Variants in THAP8 observed in about 807,000 individuals in gnomAD.
THAP8 encodes the protein THAP domain containing 8, also known as THAP domain-containing protein 8.
THAP8 carries 24 observed loss-of-function variants against 25.0 expected under a neutral mutation model. The observed-to-expected ratio is 0.96, with a 90% CI of 0.69 to 1.35. THAP8 has a LOEUF of 1.35. THAP8 is among the 40% of genes most tolerant of loss of function. The probability of loss-of-function intolerance (pLI) is 0.00; values close to 1 mark genes in which losing one functional copy is unlikely to be tolerated. For missense variants in THAP8, 399 were observed against 368.8 expected, an observed-to-expected ratio of 1.08 and a Z score of -0.67; for synonymous variants, 169 against 157.6, an observed-to-expected ratio of 1.07 and a Z score of -0.54.
chr19:36,051,993 A>G (rs1970068368), intron 1 of THAP8, among the ~76,000 whole-genome samples: 3 of 151,852 alleles, frequency 2.0e-5, no homozygotes, highest in African/African-American at 4.8e-5. Context: ...TGAACTGTGC[A>G]TGTGAGAGAT....
chr19:36,054,176 C>T lies in THAP8; in HGVS notation c.42G>A (p.Ala14=). ...GGCGGTTGTCTGCACCCAGGCGGCC[C>T]GCAGTGTTGGAGCAGTTCGGCGCCC... is the stretch of plus-strand genomic sequence containing the variant. The part of the protein sequence containing the change: ...YCRAPNCSNT[A]GRLGADNRPV... The change falls in exon 1 of 4, where the codon GCG becomes GCA. Residue 14 remains alanine (A), a synonymous_variant. Coordinates refer to ENST00000292894, the MANE Select transcript of THAP8 (RefSeq NM_152658.3). 6.2e-7 allele frequency: 1 copy of T among 1,613,832 alleles called. No homozygotes were observed. The highest frequency in any genetic ancestry group is 8.5e-7 in the Non-Finnish European group (1 of 1,179,956).
Position 36,039,361 on chromosome 19 carries a change from T to C in THAP8, c.634A>G (p.Ser212Gly), listed in dbSNP as rs1280986492. The change falls in exon 3 of 4, where the codon AGC (serine) becomes GGC (glycine). Residue 212 changes from serine (S) to glycine (G), a missense_variant. Transcript: ENST00000292894. ...ERLAQQLHGESLLARARRGLQ... is the reference protein window; with the variant it reads ...ERLAQQLHGEGLLARARRGLQ... ...CCCCGGCGTGCCCGTGCCAGCAGGC[T>C]CTCCCCGTGTAGCTGCTGTGCCAGC... is the stretch of plus-strand genomic sequence containing the variant. The C allele has an allele frequency of 7.8e-6, 12 of 1,533,334 alleles. No homozygotes were observed. The highest frequency in any genetic ancestry group is 9.6e-6 in the Non-Finnish European group (11 of 1,144,916). 95.0% of individuals were successfully genotyped at this position (1,533,334 alleles called of 1,614,324 possible).
At chr19:36,052,816 A>G (rs1180847584) in intron 1 of THAP8, among the ~76,000 whole-genome samples, 1 of 152,240 alleles carries the variant, frequency 6.6e-6, no homozygotes, top group Admixed American at 6.5e-5. Flanking sequence ...TTCAAACAGC[A>G]AAGTTTGTGA....
upstream of THAP8, chr19:36,054,483 TCATCAC>T: frequency 1.7e-6 from 1 of 582,798 alleles, no homozygotes; most frequent in Non-Finnish European, 3.1e-6. Context: ...ACCCCGACTT[TCATCAC>T]GTGTTGGGGG....
At position 36,039,423 on chromosome 19, in the gene THAP8, T is replaced by C; in HGVS notation, c.572A>G (p.Gln191Arg). The C allele has an allele frequency of 6.3e-7, 1 of 1,575,446 alleles. No individual in the cohort carries two copies. Among genetic ancestry groups the C allele is most frequent in the African/African-American group, 1.3e-5 (1 of 74,106 alleles). ...CTGCAGCTGCGCCTGGTGCCGCTCCTGGCACCGTTGCAGCCTCCGCACCCG... is the reference window on the plus strand; with the variant it reads ...CTGCAGCTGCGCCTGGTGCCGCTCCCGGCACCGTTGCAGCCTCCGCACCCG... ...QRRVRRLQRC[Q>R]ERHQAQLQAL... Residue 191 changes from glutamine to arginine, a missense_variant, in exon 3 of 4, where the codon CAG becomes CGG. Coordinates refer to ENST00000292894, the MANE Select transcript of THAP8 (RefSeq NM_152658.3).
intron 1 of THAP8, among the ~76,000 whole-genome samples, chr19:36,042,801 C>T (rs1293017691): frequency 2.0e-5 from 3 of 152,196 alleles, no homozygotes; most frequent in Non-Finnish European, 4.4e-5. Flanking sequence ...CAGTCTCACT[C>T]TGTCACCCAG....
At chr19:36,039,915 T>A (rs767107232) in intron 2 of THAP8, 29 bp downstream of exon 2, 4 of 1,610,758 alleles carry the variant, frequency 2.5e-6, no homozygotes, top group East Asian at 2.2e-5. Context: ...GGGGGTTGGA[T>A]TCCAGCAGCA....
chr19:36,052,472 G>C (rs1970084264), intron 1 of THAP8, among the ~76,000 whole-genome samples: 1 of 152,244 alleles, frequency 6.6e-6, no homozygotes, highest in East Asian at 1.9e-4. Flanking sequence ...TGCCATAAGG[G>C]TTGGGGACCA....
chr19:36,054,279 G>T lies in THAP8; in HGVS notation c.-62C>A, dbSNP rs539896239. 10 of 1,551,320 alleles carry T rather than the reference G, an allele frequency of 6.4e-6. No individual in the cohort carries two copies. The South Asian group carries it at 1.2e-4, about 18-fold the overall frequency. On this transcript the variant is annotated 5_prime_UTR_variant, in exon 1 of 4. Coordinates refer to ENST00000292894, the MANE Select transcript of THAP8 (RefSeq NM_152658.3). ...GGCTGCACTTTGGTTCTCGCGGAGCGCCGCCTAACCCCGCCCCACCCGCGC... is the reference window on the plus strand; with the variant it reads ...GGCTGCACTTTGGTTCTCGCGGAGCTCCGCCTAACCCCGCCCCACCCGCGC...
At chr19:36,037,378 A>ACACACG (rs1383212961) in intron 3 of THAP8, among the ~76,000 whole-genome samples, 2 of 149,992 alleles carry the variant, frequency 1.3e-5, no homozygotes, top group South Asian at 2.1e-4. Context: ...ACACACACAC[A>ACACACG]CACCCAGCAG....
chr19:36,045,820 C>T (rs970011109), intron 1 of THAP8: 1 of 456,650 alleles, frequency 2.2e-6, no homozygotes, highest in Non-Finnish European at 4.4e-6. Flanking sequence ...AGAGATTCTC[C>T]CCCAGAACCT....
At chr19:36,043,242 G>T (rs1182918272) in intron 1 of THAP8, among the ~76,000 whole-genome samples, 2 of 152,042 alleles carry the variant, frequency 1.3e-5, no homozygotes, top group African/African-American at 4.8e-5. Context: ...ATTTTATTTA[G>T]TCTTGATCTG....
chr19:36,045,017 G>T (rs915635078), intron 1 of THAP8, among the ~76,000 whole-genome samples: 8 of 152,126 alleles, frequency 5.3e-5, no homozygotes, highest in African/African-American at 1.7e-4. Flanking sequence ...TAGTCATTGT[G>T]GTAGCCCCCA....
intron 1 of THAP8, among the ~76,000 whole-genome samples, chr19:36,042,097 A>G (rs1969712546): frequency 6.8e-6 from 1 of 147,358 alleles, no homozygotes; most frequent in Non-Finnish European, 1.5e-5. Context: ...AGGGGGAGGG[A>G]GTAAGAGGGG....
intron 2 of THAP8, 109 bp downstream of exon 2, chr19:36,039,835 G>A: frequency 6.4e-7 from 1 of 1,565,542 alleles, no homozygotes; most frequent in Non-Finnish European, 8.6e-7. Context: ...ACCTCAGGGA[G>A]GAAGTGTCGT....
At chr19:36,052,942 G>A (rs1180107021) in intron 1 of THAP8, among the ~76,000 whole-genome samples, 1 of 152,164 alleles carries the variant, frequency 6.6e-6, no homozygotes, top group African/African-American at 2.4e-5. Flanking sequence ...TTTTTTCCTG[G>A]CTGGGTGCAG....
chr19:36,036,987 C>A (rs1969477084), intron 3 of THAP8, among the ~76,000 whole-genome samples: 1 of 150,736 alleles, frequency 6.6e-6, no homozygotes, highest in South Asian at 2.1e-4. Flanking sequence ...TCCAGAGGTA[C>A]TGTGGGGGCT....
chr19:36,043,725 G>A (rs143749887), intron 1 of THAP8, among the ~76,000 whole-genome samples: 5,495 of 151,898 alleles, frequency 0.036, 145 homozygotes, highest in Admixed American at 0.06. Context: ...CCGTCTCTAC[G>A]AAAATTACAA....
chr19:36,054,384 C>T, upstream of THAP8: 1 of 777,250 alleles, frequency 1.3e-6, no homozygotes, highest in Non-Finnish European at 2.1e-6. Flanking sequence ...CTACTAGGCG[C>T]CCCTCCACAG....
Sources: gnomAD v4.1 joint callset for allele counts (sites outside exome capture counted in the v4.1 genomes callset) on GRCh38, gnomAD v4.1.1 for gene constraint, MANE v1.5 for transcripts, NCBI Gene and HGNC (gene_info 2026-07-23, HGNC 2026-07-21) for gene names.